Variants in DPYD observed in about 807,000 individuals in gnomAD.
DPYD encodes the protein dihydropyrimidine dehydrogenase [NADP(+)].
DPYD carries 109 observed loss-of-function variants against 116.2 expected under a neutral mutation model. That is an observed-to-expected ratio of 0.94 (90% CI 0.80 to 1.10). DPYD has a LOEUF of 1.10. Among genes scored for constraint, DPYD ranks in the 50% least tolerant of loss-of-function variants. The pLI, the probability that DPYD is intolerant of heterozygous loss-of-function variation, is 0.00. For missense variants in DPYD, 1,302 were observed against 1,254.5 expected (o/e 1.04, Z -0.57); for synonymous variants, 440 against 432.0 (o/e 1.02, Z -0.23).
At chr1:97,089,226 C>T (rs1169426204) in intron 21 of DPYD, among the ~76,000 whole-genome samples, 1 of 152,090 alleles carries the variant, frequency 6.6e-6, no homozygotes, top group South Asian at 2.1e-4. Context: ...GATACATTCC[C>T]GGCTTCATAA....
intron 20 of DPYD, among the ~76,000 whole-genome samples, chr1:97,144,848 ACTTT>A (rs1319845123): frequency 6.6e-6 from 1 of 152,240 alleles, no homozygotes; most frequent in East Asian, 1.9e-4. Context: ...CTTACAAATC[ACTTT>A]CTTATGCACA....
chr1:97,606,957 A>G (rs1170021393), intron 8 of DPYD, among the ~76,000 whole-genome samples: 1 of 151,944 alleles, frequency 6.6e-6, no homozygotes, highest in Non-Finnish European at 1.5e-5. Context: ...AAGATAAGTA[A>G]CTTAAATTAT....
intron 20 of DPYD, among the ~76,000 whole-genome samples, chr1:97,185,955 T>C (rs959716539): frequency 1.2e-4 from 18 of 152,216 alleles, no homozygotes; most frequent in African/African-American, 4.3e-4. Context: ...AAGACCTCTG[T>C]ATTTTTCCTC....
rs149441626 is a variant in DPYD at position 97,241,442 on chromosome 1, G to A, written c.2300-6448C>T. Among the ~76,000 whole-genome samples the A allele has an allele frequency of 3.9e-5, 6 of 152,062 alleles. No homozygotes were observed. The East Asian group carries it at 1.2e-3, about 29-fold the overall frequency. On this transcript the variant is annotated intron_variant, in intron 18 of 22. Coordinates refer to ENST00000370192, the MANE Select transcript of DPYD (RefSeq NM_000110.4). ...TGTACATAAAGGAAGAGAAGCTCAA[G>A]CTGAATAAATAACTTATCCAGTGTC... is the stretch of plus-strand genomic sequence containing the variant.
At chr1:97,130,419 C>T (rs1653190083) in intron 20 of DPYD, among the ~76,000 whole-genome samples, 1 of 152,132 alleles carries the variant, frequency 6.6e-6, no homozygotes, top group African/African-American at 2.4e-5. Flanking sequence ...TTGGTTTATA[C>T]CTGTAGGTCC....
intron 8 of DPYD, among the ~76,000 whole-genome samples, chr1:97,657,440 A>G (rs1387280073): frequency 2.0e-5 from 3 of 152,208 alleles, no homozygotes; most frequent in Non-Finnish European, 4.4e-5. Context: ...AGTCTTGCCC[A>G]TCAGCTGCCT....
At position 97,339,909 on chromosome 1, in the gene DPYD, G is replaced by A. The variant is rs2101219384; in HGVS notation, c.2059-33612C>T. On this transcript the variant is annotated intron_variant, in intron 16 of 22. Coordinates refer to ENST00000370192, the MANE Select transcript of DPYD (RefSeq NM_000110.4). Reference sequence around the variant, plus strand: ...AAAAGAAGGAAGAGGAAGTAAGGTAGAAAGGAGTTTAAAAGTCTCTAAAAA... The same window carrying A: ...AAAAGAAGGAAGAGGAAGTAAGGTAAAAAGGAGTTTAAAAGTCTCTAAAAA... 1.3e-5 allele frequency among the ~76,000 whole-genome samples: 2 copies of A among 152,296 alleles called. 1 individual carries two copies. The highest frequency in any genetic ancestry group is 4.1e-4 in the South Asian group (2 of 4,826).
At chr1:97,389,310 GA>G (rs11349223) in intron 14 of DPYD, among the ~76,000 whole-genome samples, 70,230 of 138,364 alleles carry the variant, frequency 0.51, 16,997 homozygotes, top group East Asian at 0.64. Flanking sequence ...TTTTGTCTTT[GA>G]AAAAAAAAAA....
chr1:97,720,583 A>C (rs1190679926), intron 5 of DPYD: 1 of 1,096,422 alleles, frequency 9.1e-7, no homozygotes, highest in African/African-American at 1.7e-5. Flanking sequence ...GGAAGGGAAT[A>C]ACCCTGATTT....
intron 13 of DPYD, among the ~76,000 whole-genome samples, chr1:97,460,880 G>A (rs555445458): frequency 3.3e-4 from 50 of 151,986 alleles, no homozygotes; most frequent in African/African-American, 1.1e-3. Context: ...CTCTACTAAA[G>A]TACAAAATCA....
At chr1:97,095,689 TAC>T (rs1426323711) in intron 21 of DPYD, among the ~76,000 whole-genome samples, 10 of 151,930 alleles carry the variant, frequency 6.6e-5, no homozygotes, top group African/African-American at 1.4e-4. Context: ...TAAATATAAA[TAC>T]ACAGTTTTAT....
chr1:97,521,629 G>A (rs1476436090), intron 12 of DPYD, among the ~76,000 whole-genome samples: 1 of 152,106 alleles, frequency 6.6e-6, no homozygotes, highest in Non-Finnish European at 1.5e-5. Flanking sequence ...GAACAAAGCT[G>A]GAGGCATCAC....
At chr1:97,322,609 T>A (rs953005029) in intron 16 of DPYD, 1 of 152,024 alleles carries the variant, frequency 6.6e-6, no homozygotes, top group Non-Finnish European at 1.5e-5. Context: ...CTAAAAATCC[T>A]TGAATATATT....
intron 1 of DPYD, among the ~76,000 whole-genome samples, chr1:97,895,878 T>C (rs764463427): frequency 6.6e-6 from 1 of 151,800 alleles, no homozygotes; most frequent in Non-Finnish European, 1.5e-5. Flanking sequence ...ATATGCAGTA[T>C]GGAGTCACAT....
chr1:97,413,824 C>T (rs1674144183), intron 14 of DPYD, among the ~76,000 whole-genome samples: 1 of 152,030 alleles, frequency 6.6e-6, no homozygotes, highest in Non-Finnish European at 1.5e-5. Flanking sequence ...AAGCAATTTC[C>T]TATCCTCTTT....
At chr1:97,321,910 A>C (rs1407617596) in intron 16 of DPYD, among the ~76,000 whole-genome samples, 7 of 39,130 alleles carry the variant, frequency 1.8e-4, no homozygotes, top group Non-Finnish European at 3.9e-4. Flanking sequence ...AGCCATAAAA[A>C]ATGATGAGTT....
intron 14 of DPYD, among the ~76,000 whole-genome samples, chr1:97,409,047 C>A (rs966531179): frequency 6.6e-6 from 1 of 152,076 alleles, no homozygotes; most frequent in Non-Finnish European, 1.5e-5. Flanking sequence ...TGGGACTTCA[C>A]CTTATGATCA....
intron 12 of DPYD, 26 bp downstream of exon 12, chr1:97,549,534 A>T: frequency 6.2e-7 from 1 of 1,612,382 alleles, no homozygotes; most frequent in Non-Finnish European, 8.5e-7. Flanking sequence ...GAAAAGAATT[A>T]AGTGGAAATG....
At chr1:97,158,472 G>GAAACACACACAC (rs1655651915) in intron 20 of DPYD, among the ~76,000 whole-genome samples, 1 of 112,030 alleles carries the variant, frequency 8.9e-6, no homozygotes, top group Non-Finnish European at 1.8e-5. Context: ...TAACTCACCA[G>GAAACACACACAC]ACACACACAC....
Sources: allele counts gnomAD v4.1 joint callset (sites outside exome capture counted in the v4.1 genomes callset), GRCh38; gene constraint gnomAD v4.1.1; transcripts MANE v1.5; gene names NCBI Gene and HGNC (gene_info 2026-07-23, HGNC 2026-07-21).